The following FRMD3 variants were observed in gnomAD, a reference collection of about 807,000 sequenced individuals.
FRMD3 encodes the protein FERM domain-containing protein 3.
In FRMD3, 33 loss-of-function variants were observed where a neutral mutation model predicts 70.2. The observed-to-expected ratio is 0.47, with a 90% CI of 0.36 to 0.63. The LOEUF (loss-of-function observed/expected upper bound fraction) is 0.63. Ranked by LOEUF, FRMD3 falls within the 20% of genes least tolerant of loss-of-function variation. The pLI is 0.00. For missense variants in FRMD3, 632 were observed against 711.4 expected (o/e 0.89, Z 1.27); for synonymous variants, 279 against 255.9 (o/e 1.09, Z -0.86).
At chr9:83,517,557 G>A (rs1470975295) in intron 1 of FRMD3, among the ~76,000 whole-genome samples, 1 of 129,706 alleles carries the variant, frequency 7.7e-6, no homozygotes, top group Non-Finnish European at 1.6e-5. Flanking sequence ...AATTCTACCA[G>A]AGGTACAAAA....
At chr9:83,428,006 T>C (rs1826861243) in intron 1 of FRMD3, among the ~76,000 whole-genome samples, 1 of 152,212 alleles carries the variant, frequency 6.6e-6, no homozygotes, top group Non-Finnish European at 1.5e-5. Flanking sequence ...GCAGAGGTGA[T>C]GATGTACATA....
chr9:83,388,073 G>C (rs1177502854), intron 2 of FRMD3, among the ~76,000 whole-genome samples: 1 of 152,076 alleles, frequency 6.6e-6, no homozygotes, highest in Non-Finnish European at 1.5e-5. Flanking sequence ...CCATCCAAAG[G>C]TTACTGGGAG....
At chr9:83,334,107 G>T (rs1427407901) in intron 6 of FRMD3, among the ~76,000 whole-genome samples, 1 of 151,978 alleles carries the variant, frequency 6.6e-6, no homozygotes, top group Admixed American at 6.6e-5. Context: ...TTCATCCAGG[G>T]ATTCTCACCC....
At chr9:83,362,211 A>ATCTCTCTCTC (rs1564035399) in intron 3 of FRMD3, among the ~76,000 whole-genome samples, 5 of 141,664 alleles carry the variant, frequency 3.5e-5, no homozygotes, top group African/African-American at 1.3e-4. Context: ...CTCTCTCTCA[A>ATCTCTCTCTC]TCTCAATCTC....
intron 5 of FRMD3, among the ~76,000 whole-genome samples, chr9:83,342,899 C>G (rs1823820733): frequency 6.6e-6 from 1 of 152,176 alleles, no homozygotes; most frequent in South Asian, 2.1e-4. Context: ...TAAACCCACC[C>G]ATTCCACATT....
intron 1 of FRMD3, among the ~76,000 whole-genome samples, chr9:83,496,096 G>A (rs1196462925): frequency 6.6e-6 from 1 of 152,098 alleles, no homozygotes; most frequent in Non-Finnish European, 1.5e-5. Flanking sequence ...TACACCATGT[G>A]CCTCAAATCT....
At chr9:83,427,201 T>C (rs189426219) in intron 1 of FRMD3, among the ~76,000 whole-genome samples, 3 of 152,294 alleles carry the variant, frequency 2.0e-5, no homozygotes, top group African/African-American at 2.4e-5. Context: ...GAGTATAGGC[T>C]TGGGAAGCAG....
intron 3 of FRMD3, among the ~76,000 whole-genome samples, chr9:83,357,504 C>T (rs949078942): frequency 1.3e-5 from 2 of 151,656 alleles, no homozygotes; most frequent in African/African-American, 4.8e-5. Context: ...AATCTCCACA[C>T]TGTTTTCCAT....
chr9:83,300,670 G>A (rs1442079266), intron 10 of FRMD3, among the ~76,000 whole-genome samples: 1 of 151,994 alleles, frequency 6.6e-6, no homozygotes, highest in African/African-American at 2.4e-5. Context: ...AAAACCATTT[G>A]TACCCCAAAA....
chr9:83,285,307 T>A (rs1834161201), intron 13 of FRMD3, among the ~76,000 whole-genome samples: 1 of 150,778 alleles, frequency 6.6e-6, no homozygotes, highest in Admixed American at 6.6e-5. Context: ...CTTGTGAGAG[T>A]TAGTTTTACC....
At chr9:83,468,859 A>C (rs1000151022) in intron 1 of FRMD3, among the ~76,000 whole-genome samples, 1 of 152,210 alleles carries the variant, frequency 6.6e-6, no homozygotes, top group African/African-American at 2.4e-5. Flanking sequence ...AGAGCAGGGA[A>C]GCTCCTCTTT....
At chr9:83,358,301 T>G (rs1824469619) in intron 3 of FRMD3, among the ~76,000 whole-genome samples, 1 of 152,244 alleles carries the variant, frequency 6.6e-6, no homozygotes, top group Admixed American at 6.5e-5. Context: ...TGCCTATTTT[T>G]ATACCAGTAC....
intron 1 of FRMD3, among the ~76,000 whole-genome samples, chr9:83,433,724 G>A (rs28433970): frequency 0.017 from 2,507 of 150,948 alleles, 75 homozygotes; most frequent in African/African-American, 0.057. Context: ...GATTCTCATA[G>A]GGAATGTGCA....
At chr9:83,548,489 G>C in the FRMD3 span, among the ~76,000 whole-genome samples, 4 of 152,120 alleles carry the variant, frequency 2.6e-5, no homozygotes, top group Admixed American at 2.6e-4. Context: ...GCTACAGAAT[G>C]TATTATTCCA....
In FRMD3 at chr9:83,400,010, A is replaced by AAGAGAAAAGAAAAGACAGGAGAGGAGAAG. The variant is rs576077610; in HGVS notation, c.148-10331_148-10303dup. 4.8e-3 allele frequency among the ~76,000 whole-genome samples: 735 copies of AAGAGAAAAGAAAAGACAGGAGAGGAGAAG among 152,220 alleles called. 10 individuals carry two copies. The highest frequency in any genetic ancestry group is 0.016 in the African/African-American group (683 of 41,498). On this transcript the variant is annotated intron_variant, in intron 1 of 13. Transcript: ENST00000304195. The stretch of plus-strand genomic sequence containing the variant: ...TAACACAAGACAAGAAAGAAAAAAG[A>AAGAGAAAAGAAAAGACAGGAGAGGAGAAG]AGAGAAAAGAAAAGACAGGAGAGGA...
At chr9:83,522,066 G>T (rs928989562) in intron 1 of FRMD3, among the ~76,000 whole-genome samples, 1 of 152,172 alleles carries the variant, frequency 6.6e-6, no homozygotes, top group Admixed American at 6.5e-5. Flanking sequence ...AAGGAAGGGG[G>T]TGTGGGACGT....
At chr9:83,279,258 A>T (rs1334488197) in intron 13 of FRMD3, 1 of 152,220 alleles carries the variant, frequency 6.6e-6, no homozygotes, top group African/African-American at 2.4e-5. Context: ...CTTTCAAGTA[A>T]GAAAAACTCA....
At chr9:83,362,451 CT>C (rs1448036419) in intron 3 of FRMD3, among the ~76,000 whole-genome samples, 19 of 152,156 alleles carry the variant, frequency 1.2e-4, no homozygotes, top group Admixed American at 1.2e-3. Context: ...GCTATTATGG[CT>C]GAGTTGTATG....
Position 83,510,490 on chromosome 9 carries a change from TAG to T in FRMD3, c.147+27593_147+27594del, listed in dbSNP as rs1018004030. On this transcript the variant is annotated intron_variant, in intron 1 of 13. Transcript: ENST00000304195. ...TGGCAGTTCCTCGAGAGGTTAAACA[TAG>T]AGTTACCACATGCCCCAGCAATTCC... Among the ~76,000 whole-genome samples the T allele has an allele frequency of 2.8e-4, 43 of 152,268 alleles. No homozygotes were observed. The Middle Eastern group carries it at 0.01, about 36-fold the overall frequency.
Sources: gnomAD v4.1 joint callset for allele counts (sites outside exome capture counted in the v4.1 genomes callset) on GRCh38, gnomAD v4.1.1 for gene constraint, MANE v1.5 for transcripts, NCBI Gene and HGNC (gene_info 2026-07-23, HGNC 2026-07-21) for gene names.